HMGB1: variants seen among roughly 807,000 people sequenced by gnomAD.
HMGB1 encodes the protein high mobility group box 1, also known as high mobility group protein B1.
For synonymous variants in HMGB1, 81 were observed against 84.0 expected, an observed-to-expected ratio of 0.96 and a Z score of 0.19; for missense variants, 79 against 253.5, an observed-to-expected ratio of 0.31 and a Z score of 4.67.
intron 1 of HMGB1, among the ~76,000 whole-genome samples, chr13:30,519,195 C>G (rs1888169319): frequency 6.7e-6 from 1 of 149,720 alleles, no homozygotes; most frequent in African/African-American, 2.5e-5. Context: ...CAGTTCAAGA[C>G]CAGCCTGGCC....
intron 1 of HMGB1, among the ~76,000 whole-genome samples, chr13:30,556,669 C>T (rs1397153943): frequency 2.6e-5 from 4 of 152,164 alleles, no homozygotes; most frequent in African/African-American, 9.7e-5. Flanking sequence ...GAAAGTTAAA[C>T]AGTGCATGTT....
intron 1 of HMGB1, among the ~76,000 whole-genome samples, chr13:30,593,496 C>T (rs887211969): frequency 6.6e-6 from 1 of 152,206 alleles, no homozygotes; most frequent in Admixed American, 6.5e-5. Flanking sequence ...AAGTTCACCT[C>T]AATGCCAAGA....
At chr13:30,589,297 G>A (rs1031096241) in intron 1 of HMGB1, among the ~76,000 whole-genome samples, 2 of 152,052 alleles carry the variant, frequency 1.3e-5, no homozygotes, top group African/African-American at 2.4e-5. Context: ...GAACCACCGC[G>A]CCCGGCCTAT....
chr13:30,538,510 C>CTTTATTTCTTTCTTTCTTT (rs1164550479), intron 1 of HMGB1, among the ~76,000 whole-genome samples: 33 of 82,262 alleles, frequency 4.0e-4, no homozygotes, highest in African/African-American at 2.6e-3. Context: ...TTCTTTCTTT[C>CTTTATTTCTTTCTTTCTTT]CTTTCTTTCT....
At chr13:30,560,626 C>T (rs1869907925) in intron 1 of HMGB1, among the ~76,000 whole-genome samples, 1 of 152,130 alleles carries the variant, frequency 6.6e-6, no homozygotes, top group Non-Finnish European at 1.5e-5. Context: ...GAAGTTAAAA[C>T]GCACGCCTCA....
intron 1 of HMGB1, chr13:30,553,626 A>G: frequency 1.6e-6 from 1 of 636,872 alleles, no homozygotes; most frequent in Non-Finnish European, 2.8e-6. Context: ...TTAGGAGCCA[A>G]CCTCACTCTT....
In HMGB1 at chr13:30,465,915, A is replaced by G. The variant is rs1395244469; in HGVS notation, c.-134T>C. 5.1e-6 allele frequency: 5 copies of G among 984,534 alleles called. No homozygotes were observed. In the East Asian group the frequency reaches 3.4e-4, roughly 68 times the overall value. 61.0% of individuals were successfully genotyped at this position (984,534 alleles called of 1,614,324 possible). On this transcript the variant is annotated 5_prime_UTR_variant, in exon 1 of 5. Transcript: ENST00000341423. ...AGCGGGAGCCAGACGCAGCCTCCTC[A>G]CTCTCTCCGCTCTGTAACATTACTC...
At chr13:30,570,433 C>T (rs1343068202) in intron 1 of HMGB1, among the ~76,000 whole-genome samples, 1 of 152,188 alleles carries the variant, frequency 6.6e-6, no homozygotes, top group Admixed American at 6.5e-5. Flanking sequence ...TTTACTTAGT[C>T]TAAGATGACT....
intron 1 of HMGB1, among the ~76,000 whole-genome samples, chr13:30,610,339 G>C (rs1486615356): frequency 6.6e-6 from 1 of 152,158 alleles, no homozygotes; most frequent in Admixed American, 6.5e-5. Context: ...TATGGTAAGT[G>C]CAACAACTCT....
chr13:30,558,540 C>G (rs1311151677), intron 1 of HMGB1, among the ~76,000 whole-genome samples: 2 of 151,930 alleles, frequency 1.3e-5, no homozygotes, highest in Non-Finnish European at 2.9e-5. Flanking sequence ...AATGTTCAAC[C>G]TTGCTGGCTT....
chr13:30,482,630 A>G lies in HMGB1; in HGVS notation c.-14-18936T>C, dbSNP rs571083558. 3.3e-5 allele frequency among the ~76,000 whole-genome samples: 5 copies of G among 152,256 alleles called. No homozygotes were observed. In the South Asian group the frequency reaches 1.0e-3, roughly 32 times the overall value. On this transcript the variant is annotated intron_variant, in intron 1 of 4. Coordinates refer to the HMGB1 transcript ENST00000405805. ...AGCCAAGTCTGACTCGACACCTTCC[A>G]TGTCTGTCTCTTTCCCGTTCTGGCC...
chr13:30,534,584 A>G (rs1414888318), intron 1 of HMGB1, among the ~76,000 whole-genome samples: 1 of 142,636 alleles, frequency 7.0e-6, no homozygotes, highest in Non-Finnish European at 1.5e-5. Context: ...TATGTTGTTA[A>G]TTAGTTTAAC....
chr13:30,491,894 T>C (rs1005459302), intron 1 of HMGB1, among the ~76,000 whole-genome samples: 1 of 152,022 alleles, frequency 6.6e-6, no homozygotes, highest in Non-Finnish European at 1.5e-5. Flanking sequence ...ATTGGCCAGG[T>C]GCGGTGGCTT....
intron 1 of HMGB1, among the ~76,000 whole-genome samples, chr13:30,593,341 C>A (rs944140706): frequency 1.3e-5 from 2 of 152,260 alleles, no homozygotes; most frequent in Admixed American, 6.5e-5. Context: ...TTCCCAGGTA[C>A]CACCTCCATG....
At chr13:30,578,498 A>G (rs1870760383) in intron 1 of HMGB1, among the ~76,000 whole-genome samples, 1 of 147,812 alleles carries the variant, frequency 6.8e-6, no homozygotes, top group African/African-American at 2.5e-5. Context: ...TTCCATACCC[A>G]TCACTCCTGT....
chr13:30,474,500 C>T (rs991994840), intron 1 of HMGB1, among the ~76,000 whole-genome samples: 1 of 152,136 alleles, frequency 6.6e-6, no homozygotes, highest in Non-Finnish European at 1.5e-5. Flanking sequence ...CGGGGGTGAC[C>T]GTAATGAGTA....
intron 1 of HMGB1, chr13:30,554,148 G>C: frequency 7.6e-7 from 1 of 1,311,368 alleles, no homozygotes; most frequent in South Asian, 1.2e-5. Flanking sequence ...CATCTACTAC[G>C]ATTAGAAAAT....
At chr13:30,465,137 G>C (rs1331620504) in intron 1 of HMGB1, 10 of 966,794 alleles carry the variant, frequency 1.0e-5, no homozygotes, top group African/African-American at 1.8e-5. Context: ...CAGCAGCGCC[G>C]GGCCCGAGTC....
At chr13:30,605,086 G>A (rs1276507598) in intron 1 of HMGB1, among the ~76,000 whole-genome samples, 2 of 152,240 alleles carry the variant, frequency 1.3e-5, no homozygotes, top group Non-Finnish European at 2.9e-5. Context: ...CTCATACGGA[G>A]ATGAGGAAGA....
Sources: gnomAD v4.1 joint callset for allele counts (sites outside exome capture counted in the v4.1 genomes callset) on GRCh38, gnomAD v4.1.1 for gene constraint, MANE v1.5 for transcripts, NCBI Gene and HGNC (gene_info 2026-07-23, HGNC 2026-07-21) for gene names.